The following SRGAP1 variants were observed in gnomAD, a reference collection of about 807,000 sequenced individuals.
SRGAP1 encodes the protein SLIT-ROBO Rho GTPase-activating protein 1.
In SRGAP1, 43 loss-of-function variants were observed where a neutral mutation model predicts 121.9. That is an observed-to-expected ratio of 0.35 (90% CI 0.28 to 0.46). SRGAP1 has a LOEUF of 0.46. SRGAP1 is among the 20% of genes least tolerant of loss of function. The probability of loss-of-function intolerance (pLI) is 1.00; values close to 1 mark genes in which losing one functional copy is unlikely to be tolerated. For missense variants in SRGAP1, 1,102 were observed against 1,350.9 expected (o/e 0.82, Z 2.89); for synonymous variants, 447 against 485.4 (o/e 0.92, Z 1.04).
intron 4 of SRGAP1, among the ~76,000 whole-genome samples, chr12:64,041,041 T>C (rs550404691): frequency 6.6e-6 from 1 of 152,288 alleles, no homozygotes; most frequent in Admixed American, 6.5e-5. Context: ...TTATGTTCTA[T>C]ATATTCCTAA....
intron 21 of SRGAP1, among the ~76,000 whole-genome samples, chr12:64,128,862 A>G (rs2036740726): frequency 1.3e-5 from 2 of 152,210 alleles, no homozygotes; most frequent in African/African-American, 2.4e-5. Context: ...GTTTTCTTCT[A>G]ATGACTAAAA....
intron 3 of SRGAP1, among the ~76,000 whole-genome samples, chr12:63,992,220 G>A (rs1427668384): frequency 6.6e-6 from 1 of 152,214 alleles, no homozygotes; most frequent in Non-Finnish European, 1.5e-5. Flanking sequence ...ATGTGAGGAT[G>A]TGTATTTTGT....
Position 64,142,326 on chromosome 12 carries a change from A to C in SRGAP1, c.2912A>C (p.Asn971Thr). The change falls in exon 22 of 22, where the codon AAT (asparagine) becomes ACT (threonine). Residue 971 changes from asparagine (N) to threonine (T), a missense_variant. By Grantham distance (65) the Asn-to-Thr change is moderately conservative. Transcript: ENST00000355086. ...DIEETMNTAL[N>T]ELRELERQST... is the part of the protein sequence containing the mutation. ...GAAGAAACGATGAACACAGCTTTGA[A>C]TGAACTCCGAGAACTGGAGAGACAG... 6.2e-7 allele frequency: 1 copy of C among 1,614,094 alleles called. No individual in the cohort carries two copies. Among genetic ancestry groups the C allele is most frequent in the Non-Finnish European group, 8.5e-7 (1 of 1,179,974 alleles).
chr12:63,981,713 C>T (rs1245234835), intron 1 of SRGAP1, among the ~76,000 whole-genome samples: 2 of 152,102 alleles, frequency 1.3e-5, no homozygotes, highest in African/African-American at 4.8e-5. Context: ...ATAATAAAAT[C>T]CTGCAATCTA....
At chr12:63,975,070 G>A (rs1231593789) in intron 1 of SRGAP1, among the ~76,000 whole-genome samples, 1 of 152,014 alleles carries the variant, frequency 6.6e-6, no homozygotes, top group African/African-American at 2.4e-5. Flanking sequence ...TTTAATAATT[G>A]GCCAGCACAA....
chr12:63,886,581 G>A (rs867565770), intron 1 of SRGAP1, among the ~76,000 whole-genome samples: 1 of 152,016 alleles, frequency 6.6e-6, no homozygotes, highest in Non-Finnish European at 1.5e-5. Context: ...CTGGGCTCAG[G>A]CGATCCTCCC....
chr12:63,878,406 T>C lies in SRGAP1; in HGVS notation c.67+33523T>C, dbSNP rs531049958. Among the ~76,000 whole-genome samples the C allele has an allele frequency of 3.3e-5, 5 of 152,362 alleles. No homozygotes were observed. The East Asian group carries it at 9.6e-4, about 29-fold the overall frequency. On this transcript the variant is annotated intron_variant, in intron 1 of 21. Transcript: ENST00000355086. ...AAATAGATCATAGTTTTCTAATCCC[T>C]GTGGAAGATAATTGAGAGTATGTTC...
At chr12:63,919,002 G>A (rs932441563) in intron 1 of SRGAP1, among the ~76,000 whole-genome samples, 2 of 78,448 alleles carry the variant, frequency 2.5e-5, no homozygotes, top group Non-Finnish European at 5.3e-5. Flanking sequence ...AGGTATGTTA[G>A]TTATTTCGTA....
In SRGAP1 at chr12:63,955,676, TATG is replaced by T. The variant is rs557605246; in HGVS notation, c.68-28267_68-28265del. On this transcript the variant is annotated intron_variant, in intron 1 of 21. Transcript: ENST00000355086. Reference sequence around the variant, plus strand: ...GTTTTTCAGGTACTGTATTGACTAATATGATGTTCATAAGTTTCTCTTTTTTAT... The same window carrying T: ...GTTTTTCAGGTACTGTATTGACTAATATGTTCATAAGTTTCTCTTTTTTAT... Among the ~76,000 whole-genome samples the T allele has an allele frequency of 3.7e-3, 565 of 151,984 alleles. 2 individuals carry two copies. Among genetic ancestry groups the T allele is most frequent in the Non-Finnish European group, 5.4e-3 (368 of 67,952 alleles).
chr12:63,908,995 A>G (rs187928002), intron 1 of SRGAP1, among the ~76,000 whole-genome samples: 2 of 151,958 alleles, frequency 1.3e-5, no homozygotes, highest in East Asian at 3.9e-4. Flanking sequence ...GGTTCAAGTG[A>G]TTCTCGTGCC....
rs554404677 is a variant in SRGAP1, at chr12:64,056,262, T to G, written c.802-6655T>G. ...GCCTCTTCATTCTTTGACTGCACTA[T>G]TGCAATAGCTTCCTAAGCTTACACT... On this transcript the variant is annotated intron_variant, in intron 6 of 21. Coordinates refer to ENST00000355086, the MANE Select transcript of SRGAP1 (RefSeq NM_020762.4). 3.0e-4 allele frequency among the ~76,000 whole-genome samples: 45 copies of G among 152,268 alleles called. 1 individual carries two copies. The highest frequency in any genetic ancestry group is 5.4e-4 in the Non-Finnish European group (37 of 68,028).
intron 6 of SRGAP1, 48 bp downstream of exon 6, chr12:64,043,623 A>T (rs1244008297): frequency 6.9e-7 from 1 of 1,453,638 alleles, no homozygotes; most frequent in African/African-American, 1.4e-5. Context: ...TGAAATTAAC[A>T]ATAACCATAT....
At chr12:64,038,414 G>A (rs993763415) in intron 4 of SRGAP1, 1 of 151,938 alleles carries the variant, frequency 6.6e-6, no homozygotes, top group Admixed American at 6.6e-5. Context: ...ATAATTTCCC[G>A]ACACCTAGTA....
At chr12:64,128,273 T>G (rs2036732317) in intron 21 of SRGAP1, 73 bp downstream of exon 21, 4 of 1,334,022 alleles carry the variant, frequency 3.0e-6, no homozygotes, top group Non-Finnish European at 3.0e-6. Flanking sequence ...AGATTTACTT[T>G]ATTTACTTTT....
chr12:63,917,781 C>A (rs893702238), intron 1 of SRGAP1, among the ~76,000 whole-genome samples: 1 of 150,400 alleles, frequency 6.6e-6, no homozygotes, highest in Non-Finnish European at 1.5e-5. Context: ...CTTGTACACA[C>A]CAATTTCCCA....
At chr12:63,974,200 A>G (rs185298135) in intron 1 of SRGAP1, among the ~76,000 whole-genome samples, 2 of 152,278 alleles carry the variant, frequency 1.3e-5, no homozygotes, top group Non-Finnish European at 1.5e-5. Flanking sequence ...TGAACACTCT[A>G]ATTTATTGCC....
At chr12:64,084,652 T>C (rs1239512406) in intron 10 of SRGAP1, among the ~76,000 whole-genome samples, 1 of 152,204 alleles carries the variant, frequency 6.6e-6, no homozygotes, top group Non-Finnish European at 1.5e-5. Flanking sequence ...TTTATAGGTT[T>C]TTAATTTTTT....
chr12:63,871,035 C>T (rs1321517786), intron 1 of SRGAP1, among the ~76,000 whole-genome samples: 3 of 152,132 alleles, frequency 2.0e-5, no homozygotes, highest in African/African-American at 4.8e-5. Flanking sequence ...CCACCTCAGG[C>T]CCCCAGATTT....
At chr12:63,945,316 G>T (rs1400139599) in intron 1 of SRGAP1, among the ~76,000 whole-genome samples, 1 of 151,278 alleles carries the variant, frequency 6.6e-6, no homozygotes, top group Non-Finnish European at 1.5e-5. Flanking sequence ...TGCAGAACGC[G>T]CAGGTTTGTT....
Sources: allele counts gnomAD v4.1 joint callset (sites outside exome capture counted in the v4.1 genomes callset), GRCh38; gene constraint gnomAD v4.1.1; transcripts MANE v1.5; gene names NCBI Gene and HGNC (gene_info 2026-07-23, HGNC 2026-07-21).